Variants in RAB3GAP2 observed in about 807,000 individuals in gnomAD.
RAB3GAP2 encodes the protein rab3 GTPase-activating protein non-catalytic subunit.
RAB3GAP2 carries 87 observed loss-of-function variants against 185.3 expected under a neutral mutation model. That is an observed-to-expected ratio of 0.47 (90% CI 0.39 to 0.56). The LOEUF (loss-of-function observed/expected upper bound fraction) is 0.56. Ranked by LOEUF, RAB3GAP2 falls within the 20% of genes least tolerant of loss-of-function variation. The pLI is 0.00. For synonymous variants in RAB3GAP2, 554 were observed against 576.1 expected (o/e 0.96, Z 0.55); for missense variants, 1,492 against 1,638.2 (o/e 0.91, Z 1.54).
chr1:220,155,301 T>C (rs1383753220), intron 31 of RAB3GAP2, among the ~76,000 whole-genome samples: 1 of 152,204 alleles, frequency 6.6e-6, no homozygotes, highest in East Asian at 1.9e-4. Flanking sequence ...CTAGGTATCT[T>C]CCAATGTGCC....
chr1:220,217,184 CTG>C (rs1000865451), intron 2 of RAB3GAP2, among the ~76,000 whole-genome samples: 25 of 152,102 alleles, frequency 1.6e-4, no homozygotes, highest in African/African-American at 5.8e-4. Context: ...CTGCTCATCT[CTG>C]TGGGTAGCTG....
chr1:220,164,422 A>G (rs1263784402), intron 27 of RAB3GAP2, among the ~76,000 whole-genome samples: 1 of 149,348 alleles, frequency 6.7e-6, no homozygotes, highest in African/African-American at 2.5e-5. Flanking sequence ...GCACTTTTCC[A>G]AGTAGTTAAA....
At chr1:220,261,831 G>A (rs1175734849) in intron 1 of RAB3GAP2, among the ~76,000 whole-genome samples, 1 of 152,132 alleles carries the variant, frequency 6.6e-6, no homozygotes, top group African/African-American at 2.4e-5. Context: ...CTGTAAATGG[G>A]TTGCAGGTGA....
At chr1:220,183,829 T>C (rs1658457364) in intron 19 of RAB3GAP2, among the ~76,000 whole-genome samples, 1 of 152,174 alleles carries the variant, frequency 6.6e-6, no homozygotes, top group Non-Finnish European at 1.5e-5. Context: ...CTGGGCATAG[T>C]GGCTTATGCC....
In RAB3GAP2 at chr1:220,193,295, G is replaced by A. The variant is rs762485949; in HGVS notation, c.1215C>T (p.Phe405=). 153 of 1,613,788 alleles carry A rather than the reference G, an allele frequency of 9.5e-5. No individual in the cohort carries two copies. Among genetic ancestry groups the A allele is most frequent in the Non-Finnish European group, 1.1e-4 (129 of 1,179,926 alleles). ...CTACATCCAATAAAATAACTCTGCCGAAATCATCTGTTACTGCTGCCAGTG... is the reference window on the plus strand; with the variant it reads ...CTACATCCAATAAAATAACTCTGCCAAAATCATCTGTTACTGCTGCCAGTG... The part of the protein sequence containing the change: ...CNTLAAVTDD[F]GRVILLDVAR... The change falls in exon 13 of 35, where the codon TTC becomes TTT. Residue 405 remains phenylalanine, a synonymous_variant. Transcript: ENST00000358951.
chr1:220,162,280 G>A lies in RAB3GAP2; in HGVS notation c.3155-12C>T, dbSNP rs1281967119. Reference sequence around the variant, plus strand: ...CATCAGTGCAATGCCTAGATAGCAAGTAAAAGTAGTAAATAGAATGCTTAT... The same window carrying A: ...CATCAGTGCAATGCCTAGATAGCAAATAAAAGTAGTAAATAGAATGCTTAT... On this transcript the variant is annotated splice_polypyrimidine_tract_variant and intron_variant, in intron 27 of 34. Coordinates refer to ENST00000358951, the MANE Select transcript of RAB3GAP2 (RefSeq NM_012414.4). The A allele has an allele frequency of 1.3e-6, 2 of 1,541,438 alleles. No individual in the cohort carries two copies. The highest frequency in any genetic ancestry group is 1.8e-6 in the Non-Finnish European group (2 of 1,114,218).
At chr1:220,242,522 G>A (rs913951796) in intron 1 of RAB3GAP2, among the ~76,000 whole-genome samples, 3 of 151,600 alleles carry the variant, frequency 2.0e-5, no homozygotes, top group African/African-American at 2.4e-5. Flanking sequence ...GAAGGTTTCC[G>A]TGCAATTAAT....
intron 13 of RAB3GAP2, among the ~76,000 whole-genome samples, chr1:220,192,662 C>T (rs1320625766): frequency 6.6e-6 from 1 of 152,136 alleles, no homozygotes; most frequent in African/African-American, 2.4e-5. Flanking sequence ...TGCTTCCTTC[C>T]CGGAATGCAG....
chr1:220,250,194 A>AG (rs891212969), intron 1 of RAB3GAP2, among the ~76,000 whole-genome samples: 3 of 152,140 alleles, frequency 2.0e-5, no homozygotes, highest in Non-Finnish European at 2.9e-5. Flanking sequence ...GCAAAGCCAC[A>AG]GGGGGGGAGC....
chr1:220,155,276 TG>T (rs763815053), intron 31 of RAB3GAP2, among the ~76,000 whole-genome samples: 4 of 152,248 alleles, frequency 2.6e-5, no homozygotes, highest in Non-Finnish European at 4.4e-5. Context: ...TTTCTTCTTC[TG>T]CAAGCAGGTC....
At chr1:220,173,985 A>G (rs1313361181) in intron 21 of RAB3GAP2, among the ~76,000 whole-genome samples, 1 of 147,980 alleles carries the variant, frequency 6.8e-6, no homozygotes, top group Non-Finnish European at 1.5e-5. Context: ...ATGCCACTGA[A>G]CTCTGGCCTG....
chr1:220,214,102 C>G, intron 2 of RAB3GAP2, 123 bp from the exon 3 acceptor site: 1 of 962,526 alleles, frequency 1.0e-6, no homozygotes, highest in Non-Finnish European at 1.6e-6. Flanking sequence ...AATTCTCATA[C>G]AGTTTCATAA....
intron 1 of RAB3GAP2, among the ~76,000 whole-genome samples, chr1:220,271,961 A>C (rs1033634718): frequency 2.0e-4 from 31 of 151,640 alleles, no homozygotes; most frequent in African/African-American, 7.5e-4. Flanking sequence ...GGTGATAGGC[A>C]GAGGCGAGAG....
At chr1:220,224,031 GA>G (rs1175208425) in intron 2 of RAB3GAP2, among the ~76,000 whole-genome samples, 1 of 143,090 alleles carries the variant, frequency 7.0e-6, no homozygotes, top group East Asian at 2.0e-4. Context: ...AAAAAAAGAG[GA>G]AAATGTATAT....
chr1:220,174,231 T>G (rs949508959), intron 21 of RAB3GAP2, among the ~76,000 whole-genome samples: 1 of 152,092 alleles, frequency 6.6e-6, no homozygotes, highest in African/African-American at 2.4e-5. Context: ...ATGCACTTAA[T>G]TTTTACACTT....
At chr1:220,216,784 T>C (rs12726634) in intron 2 of RAB3GAP2, among the ~76,000 whole-genome samples, 65 of 152,320 alleles carry the variant, frequency 4.3e-4, no homozygotes, top group African/African-American at 1.5e-3. Flanking sequence ...AAAAAATTTG[T>C]TTTAATAATT....
intron 1 of RAB3GAP2, among the ~76,000 whole-genome samples, chr1:220,235,620 C>T (rs889997388): frequency 6.6e-6 from 1 of 152,120 alleles, no homozygotes. Context: ...AGCAAATAAG[C>T]CTTCAAAGAG....
At chr1:220,218,203 A>T (rs1165070985) in intron 2 of RAB3GAP2, among the ~76,000 whole-genome samples, 2 of 152,098 alleles carry the variant, frequency 1.3e-5, no homozygotes, top group Admixed American at 6.6e-5. Context: ...AAAAAGCCAA[A>T]ATCTTCCATC....
At chr1:220,269,733 C>T (rs1302655156) in intron 1 of RAB3GAP2, among the ~76,000 whole-genome samples, 2 of 152,024 alleles carry the variant, frequency 1.3e-5, no homozygotes, top group East Asian at 3.9e-4. Context: ...AAAAAAAAGG[C>T]AATGTTGTGA....
Sources: allele counts gnomAD v4.1 joint callset (sites outside exome capture counted in the v4.1 genomes callset), GRCh38; gene constraint gnomAD v4.1.1; transcripts MANE v1.5; gene names NCBI Gene and HGNC (gene_info 2026-07-23, HGNC 2026-07-21).